PHACTR1: variants seen among roughly 807,000 people sequenced by gnomAD.
The protein encoded by PHACTR1 is RPEL repeat containing 1.
A neutral mutation model predicts 69.2 loss-of-function variants in PHACTR1; 16 were observed. The ratio of observed to expected loss-of-function variants is 0.23; its 90% CI spans 0.16 to 0.35. PHACTR1 has a LOEUF of 0.35. Ranked by LOEUF, PHACTR1 falls within the 10% of genes least tolerant of loss-of-function variation. The pLI, the probability that PHACTR1 is intolerant of heterozygous loss-of-function variation, is 1.00. For synonymous variants in PHACTR1, 312 were observed against 284.5 expected, an observed-to-expected ratio of 1.10 and a Z score of -0.97; for missense variants, 510 against 734.7, an observed-to-expected ratio of 0.69 and a Z score of 3.54.
chr6:13,113,444 C>G (rs1450918371), intron 5 of PHACTR1, among the ~76,000 whole-genome samples: 1 of 152,150 alleles, frequency 6.6e-6, no homozygotes, highest in East Asian at 1.9e-4. Context: ...GCAAGGGACG[C>G]ACCCTACCTC....
intron 5 of PHACTR1, among the ~76,000 whole-genome samples, chr6:13,150,815 T>G (rs1357407028): frequency 6.6e-6 from 1 of 152,226 alleles, no homozygotes; most frequent in African/African-American, 2.4e-5. Context: ...GAAACATCTC[T>G]TTATCTTAAG....
intron 4 of PHACTR1, among the ~76,000 whole-genome samples, chr6:12,826,431 C>T (rs1202014396): frequency 1.3e-5 from 2 of 152,260 alleles, no homozygotes; most frequent in East Asian, 3.9e-4. Flanking sequence ...AGCAACAATT[C>T]CCAATGTTTT....
At chr6:12,868,023 G>C (rs975171533) in intron 4 of PHACTR1, among the ~76,000 whole-genome samples, 3 of 152,142 alleles carry the variant, frequency 2.0e-5, no homozygotes, top group Admixed American at 6.5e-5. Flanking sequence ...ACTTTGGGAG[G>C]CCAAGGCGGG....
chr6:13,027,130 G>GA (rs1003745853), intron 4 of PHACTR1, among the ~76,000 whole-genome samples: 7 of 152,062 alleles, frequency 4.6e-5, no homozygotes, highest in Non-Finnish European at 7.4e-5. Flanking sequence ...GACTGGTTGG[G>GA]AAGTGGGTGG....
intron 3 of PHACTR1, among the ~76,000 whole-genome samples, chr6:12,739,192 GC>G (rs1374194447): frequency 6.6e-6 from 1 of 152,028 alleles, no homozygotes; most frequent in Non-Finnish European, 1.5e-5. Context: ...CTTTTCTTAT[GC>G]CTTCATATAC....
At chr6:13,273,042 A>G (rs1322505776) in intron 11 of PHACTR1, 127 bp downstream of exon 11, 5 of 1,364,392 alleles carry the variant, frequency 3.7e-6, no homozygotes, top group African/African-American at 1.5e-5. Context: ...TAACGGTTGA[A>G]GCTTCATGTG....
chr6:13,220,486 T>G (rs1487344206), intron 8 of PHACTR1, among the ~76,000 whole-genome samples: 4 of 152,172 alleles, frequency 2.6e-5, no homozygotes, highest in African/African-American at 9.7e-5. Flanking sequence ...CAGCCTAACT[T>G]TGGACAGTCT....
chr6:13,125,171 C>T (rs918799985), intron 5 of PHACTR1, among the ~76,000 whole-genome samples: 19 of 152,168 alleles, frequency 1.2e-4, no homozygotes, highest in Non-Finnish European at 2.6e-4. Flanking sequence ...AGTTGAAAAC[C>T]AGCTGCAGAG....
intron 4 of PHACTR1, among the ~76,000 whole-genome samples, chr6:12,980,424 G>A (rs1481110662): frequency 6.6e-6 from 1 of 152,068 alleles, no homozygotes; most frequent in Non-Finnish European, 1.5e-5. Flanking sequence ...AGGATCTGGC[G>A]TGTCAAGCAT....
intron 4 of PHACTR1, among the ~76,000 whole-genome samples, chr6:12,974,821 C>T (rs1023065797): frequency 5.3e-5 from 8 of 151,996 alleles, no homozygotes; most frequent in Admixed American, 3.3e-4. Context: ...TGGGGAAGTA[C>T]GACAGAAAAG....
intron 8 of PHACTR1, among the ~76,000 whole-genome samples, chr6:13,216,592 C>T (rs1460574537): frequency 2.6e-5 from 4 of 152,224 alleles, no homozygotes; most frequent in Non-Finnish European, 5.9e-5. Flanking sequence ...ATGATCATCT[C>T]TTCAAAATCT....
chr6:13,286,653 CATG>C (rs1159409393), intron 14 of PHACTR1, among the ~76,000 whole-genome samples: 1 of 152,224 alleles, frequency 6.6e-6, no homozygotes, highest in Non-Finnish European at 1.5e-5. Flanking sequence ...AGTCCAGCAT[CATG>C]ATGATATTTG....
intron 4 of PHACTR1, 79 bp from the exon 5 acceptor site, chr6:13,053,286 A>G (rs1806242910): frequency 7.3e-7 from 1 of 1,366,968 alleles, no homozygotes; most frequent in African/African-American, 1.5e-5. Context: ...AACCATGGAA[A>G]ACGTTGGCCA....
chr6:13,085,893 A>T (rs778624500), intron 5 of PHACTR1, among the ~76,000 whole-genome samples: 1 of 151,988 alleles, frequency 6.6e-6, no homozygotes, highest in Non-Finnish European at 1.5e-5. Flanking sequence ...CAGTATGTAG[A>T]GGTAAATTTA....
intron 5 of PHACTR1, among the ~76,000 whole-genome samples, chr6:13,144,285 C>G (rs1822949381): frequency 1.3e-5 from 2 of 152,160 alleles, no homozygotes; most frequent in Middle Eastern, 3.4e-3. Flanking sequence ...TTGTGAATGA[C>G]ATAATTATGT....
intron 4 of PHACTR1, among the ~76,000 whole-genome samples, chr6:13,053,085 C>T (rs1806206238): frequency 6.6e-6 from 1 of 152,164 alleles, no homozygotes; most frequent in African/African-American, 2.4e-5. Flanking sequence ...GCGGTAGTCC[C>T]TGACTTGTCC....
intron 4 of PHACTR1, among the ~76,000 whole-genome samples, chr6:12,981,256 TA>T (rs1476506512): frequency 6.6e-6 from 1 of 152,176 alleles, no homozygotes; most frequent in African/African-American, 2.4e-5. Flanking sequence ...GTGAAAAAAG[TA>T]ATCAAAAAAA....
intron 4 of PHACTR1, among the ~76,000 whole-genome samples, chr6:12,958,554 G>A (rs1792204406): frequency 6.6e-6 from 1 of 152,208 alleles, no homozygotes; most frequent in Non-Finnish European, 1.5e-5. Flanking sequence ...GCTGCGTGGA[G>A]ATAGAAATCA....
intron 5 of PHACTR1, among the ~76,000 whole-genome samples, chr6:13,134,816 AAAAAAATT>A (rs1317378892): frequency 2.0e-5 from 3 of 148,166 alleles, no homozygotes; most frequent in African/African-American, 7.5e-5. Flanking sequence ...AAAAAAAAAA[AAAAAAATT>A]ATCACAGTAA....
Sources: allele counts gnomAD v4.1 joint callset (sites outside exome capture counted in the v4.1 genomes callset), GRCh38; gene constraint gnomAD v4.1.1; transcripts MANE v1.5; gene names NCBI Gene and HGNC (gene_info 2026-07-23, HGNC 2026-07-21).